TMEM132B: variants seen among roughly 807,000 people sequenced by gnomAD.
The protein encoded by TMEM132B is transmembrane protein 132B.
Under a neutral mutation model 90.8 loss-of-function variants are expected in TMEM132B, and 18 were observed. That is an observed-to-expected ratio of 0.20 (90% confidence interval 0.14 to 0.29). The LOEUF (loss-of-function observed/expected upper bound fraction) is 0.29. Ranked by LOEUF, TMEM132B falls within the 10% of genes least tolerant of loss-of-function variation. TMEM132B has a pLI of 1.00. For missense variants in TMEM132B, 1,096 were observed against 1,326.8 expected, an observed-to-expected ratio of 0.83 and a Z score of 2.70; for synonymous variants, 504 against 523.3, an observed-to-expected ratio of 0.96 and a Z score of 0.50.
chr12:125,605,964 TA>T (rs1432931187), intron 5 of TMEM132B, among the ~76,000 whole-genome samples: 1 of 152,166 alleles, frequency 6.6e-6, no homozygotes, highest in Non-Finnish European at 1.5e-5. Context: ...AACAAGAGGG[TA>T]AAAATGATGG....
intron 2 of TMEM132B, among the ~76,000 whole-genome samples, chr12:125,404,025 T>C (rs1266593084): frequency 6.6e-6 from 1 of 152,134 alleles, no homozygotes; most frequent in African/African-American, 2.4e-5. Context: ...AGCAACACTG[T>C]GACCATGAGA....
intron 3 of TMEM132B, among the ~76,000 whole-genome samples, chr12:125,506,917 T>A (rs116486620): frequency 0.019 from 2,954 of 152,352 alleles, 103 homozygotes; most frequent in African/African-American, 0.069. Context: ...TAAGTTAGGA[T>A]TCAAATATTA....
intron 3 of TMEM132B, among the ~76,000 whole-genome samples, chr12:125,437,277 C>A (rs546381126): frequency 1.3e-4 from 20 of 152,252 alleles, no homozygotes; most frequent in Admixed American, 9.8e-4. Context: ...CTGATGCTGG[C>A]GGATCTGAAA....
rs928620889 is a variant in TMEM132B at position 125,492,944 on chromosome 12, C to G, written c.1107-26495C>G. Among the ~76,000 whole-genome samples the G allele has an allele frequency of 6.6e-6, 1 of 152,162 alleles. No individual in the cohort carries two copies. Among genetic ancestry groups the G allele is most frequent in the Non-Finnish European group, 1.5e-5 (1 of 68,030 alleles). On this transcript the variant is annotated intron_variant, in intron 3 of 8. Coordinates refer to ENST00000682704, the MANE Select transcript of TMEM132B (RefSeq NM_001366854.1). The surrounding 1 kb of genome is among the most constrained non-coding windows in gnomAD (Gnocchi z 5.8). ...CTATCTAAGGACGAATGGCAAAGAGCCTTGTGAATGAGAAATACCAGGCAC... is the reference window on the plus strand; with the variant it reads ...CTATCTAAGGACGAATGGCAAAGAGGCTTGTGAATGAGAAATACCAGGCAC...
intron 2 of TMEM132B, among the ~76,000 whole-genome samples, chr12:125,356,101 A>G (rs1302673655): frequency 2.0e-5 from 3 of 152,174 alleles, no homozygotes; most frequent in Non-Finnish European, 1.5e-5. Flanking sequence ...CCCCCTCCAA[A>G]TATAATATCT....
At chr12:125,635,176 G>T (rs376595225) in intron 5 of TMEM132B, among the ~76,000 whole-genome samples, 42 of 152,236 alleles carry the variant, frequency 2.8e-4, no homozygotes, top group African/African-American at 7.9e-4. Context: ...TTAAACTCTG[G>T]GGTACATGTG....
At chr12:125,343,028 TG>T (rs1309458639) in intron 1 of TMEM132B, among the ~76,000 whole-genome samples, 2 of 152,086 alleles carry the variant, frequency 1.3e-5, no homozygotes, top group Admixed American at 6.5e-5. Context: ...AATGCTGAGG[TG>T]TGGAAGGGTC....
At chr12:125,240,780 G>T (rs1874045432) in intron 1 of TMEM132B, among the ~76,000 whole-genome samples, 1 of 152,320 alleles carries the variant, frequency 6.6e-6, no homozygotes, top group East Asian at 1.9e-4. Flanking sequence ...GGAGCTCACT[G>T]CAGTGTGTGA....
intron 5 of TMEM132B, among the ~76,000 whole-genome samples, chr12:125,638,839 C>G (rs571130275): frequency 1.6e-4 from 24 of 152,150 alleles, no homozygotes; most frequent in Non-Finnish European, 2.8e-4. Context: ...TGGAGAGCCC[C>G]TTTTAGCCTC....
intron 3 of TMEM132B, among the ~76,000 whole-genome samples, chr12:125,426,356 T>A (rs902141235): frequency 6.6e-6 from 1 of 152,222 alleles, no homozygotes; most frequent in Non-Finnish European, 1.5e-5. Context: ...CTTTTCATTC[T>A]CATGATTAAA....
chr12:125,210,287 G>A (rs917208937), intron 1 of TMEM132B, among the ~76,000 whole-genome samples: 3 of 152,270 alleles, frequency 2.0e-5, no homozygotes, highest in Non-Finnish European at 2.9e-5. Context: ...GGCTATCTGC[G>A]GGAAGGAGCG....
At chr12:125,225,253 G>A (rs1191023200) in intron 1 of TMEM132B, among the ~76,000 whole-genome samples, 1 of 152,242 alleles carries the variant, frequency 6.6e-6, no homozygotes, top group Non-Finnish European at 1.5e-5. Context: ...AGAGTATATA[G>A]CAGGGTGAGA....
chr12:125,329,689 T>C (rs1439774948), intron 1 of TMEM132B, among the ~76,000 whole-genome samples: 1 of 152,190 alleles, frequency 6.6e-6, no homozygotes, highest in Non-Finnish European at 1.5e-5. Flanking sequence ...TCATTGTCAC[T>C]GACACAGGCT....
At chr12:125,399,005 G>A (rs1879237013) in intron 2 of TMEM132B, among the ~76,000 whole-genome samples, 1 of 152,158 alleles carries the variant, frequency 6.6e-6, no homozygotes, top group Non-Finnish European at 1.5e-5. Flanking sequence ...TTGCTGGCTG[G>A]TGCCTGGAGG....
intron 3 of TMEM132B, among the ~76,000 whole-genome samples, chr12:125,475,403 T>C (rs978450423): frequency 6.6e-6 from 1 of 152,168 alleles, no homozygotes; most frequent in Non-Finnish European, 1.5e-5. Flanking sequence ...GATTGAAGGA[T>C]GCAAAGTATT....
chr12:125,471,615 A>G (rs1036655124), intron 3 of TMEM132B, among the ~76,000 whole-genome samples: 2 of 152,218 alleles, frequency 1.3e-5, no homozygotes, highest in African/African-American at 4.8e-5. Flanking sequence ...TTGTCTGGGA[A>G]GAGCTCTCAG....
intron 1 of TMEM132B, among the ~76,000 whole-genome samples, chr12:125,267,282 TG>T (rs1874718687): frequency 1.3e-5 from 2 of 151,960 alleles, no homozygotes; most frequent in African/African-American, 2.4e-5. Flanking sequence ...TCTCTATAGG[TG>T]TATTCCAGGC....
chr12:125,543,787 G>T (rs1884020277), intron 4 of TMEM132B, among the ~76,000 whole-genome samples: 2 of 152,342 alleles, frequency 1.3e-5, no homozygotes, highest in Non-Finnish European at 2.9e-5. Context: ...AGAAGACAGT[G>T]TGGTGATTTC....
intron 1 of TMEM132B, among the ~76,000 whole-genome samples, chr12:125,284,054 G>A (rs1409517021): frequency 6.6e-6 from 1 of 152,192 alleles, no homozygotes; most frequent in Non-Finnish European, 1.5e-5. Flanking sequence ...GAGGAGACCA[G>A]GCTTGACTGA....
Sources: gnomAD v4.1 joint callset for allele counts (sites outside exome capture counted in the v4.1 genomes callset) on GRCh38, gnomAD v4.1.1 for gene constraint, Gnocchi (gnomAD v3.1) non-coding constraint, MANE v1.5 for transcripts, NCBI Gene and HGNC (gene_info 2026-07-23, HGNC 2026-07-21) for gene names.